Variants in SAMD8 observed in about 807,000 individuals in gnomAD.
The protein encoded by SAMD8 is sterile alpha motif domain containing 8, also known as sphingomyelin synthase-related protein 1.
In SAMD8, 20 loss-of-function variants were observed where a neutral mutation model predicts 42.0. That is an observed-to-expected ratio of 0.48 (90% CI 0.34 to 0.69). The LOEUF (loss-of-function observed/expected upper bound fraction) is 0.69, where lower values mean the gene tolerates loss of function less well. SAMD8 is among the 30% of genes least tolerant of loss of function. The pLI, the probability that SAMD8 is intolerant of heterozygous loss-of-function variation, is 0.01. For missense variants in SAMD8, 328 were observed against 511.6 expected (o/e 0.64, Z 3.46); for synonymous variants, 162 against 173.0 (o/e 0.94, Z 0.50).
At chr10:75,139,717 T>G (rs187283757) in intron 1 of SAMD8, among the ~76,000 whole-genome samples, 1 of 152,348 alleles carries the variant, frequency 6.6e-6, no homozygotes, top group Non-Finnish European at 1.5e-5. Flanking sequence ...TTTGGCTTTT[T>G]ATTATAGAGA....
intron 4 of SAMD8, among the ~76,000 whole-genome samples, chr10:75,171,315 C>T (rs1036258352): frequency 6.6e-5 from 10 of 151,258 alleles, no homozygotes; most frequent in African/African-American, 1.9e-4. Context: ...TACAGGCGCC[C>T]GCCACCATGC....
intron 1 of SAMD8, among the ~76,000 whole-genome samples, chr10:75,126,174 A>G (rs987771901): frequency 2.6e-5 from 4 of 151,778 alleles, no homozygotes; most frequent in African/African-American, 9.7e-5. Context: ...TAATTTTACT[A>G]CTCCTTTAAC....
intron 3 of SAMD8, among the ~76,000 whole-genome samples, chr10:75,166,396 T>A (rs1421890960): frequency 7.1e-6 from 1 of 140,566 alleles, no homozygotes; most frequent in African/African-American, 2.9e-5. Context: ...TTGAGATTGC[T>A]TAAAAAAAAA....
At chr10:75,152,925 T>G (rs1840325224) in intron 2 of SAMD8, among the ~76,000 whole-genome samples, 1 of 152,154 alleles carries the variant, frequency 6.6e-6, no homozygotes, top group Middle Eastern at 3.2e-3. Flanking sequence ...GTTTTCACAT[T>G]TTTGATTTTT....
upstream of SAMD8, chr10:75,108,160 C>T (rs762178157): frequency 8.1e-6 from 13 of 1,612,606 alleles, no homozygotes; most frequent in South Asian, 7.7e-5. Context: ...GCGTTCAGCA[C>T]GTGGGTGATG....
intron 1 of SAMD8, 129 bp from the exon 2 acceptor site, chr10:75,150,385 G>A: frequency 7.0e-7 from 1 of 1,431,448 alleles, no homozygotes; most frequent in Middle Eastern, 2.1e-4. Context: ...GCCTCCCAAA[G>A]TGCTGGGGAT....
Position 75,178,542 on chromosome 10 carries a change from G to A in SAMD8, c.*1850G>A, listed in dbSNP as rs1841028048. On this transcript the variant is annotated 3_prime_UTR_variant, in exon 6 of 6. Coordinates refer to ENST00000542569, the MANE Select transcript of SAMD8 (RefSeq NM_001174156.2). ...CAGTGATGTTGGCTTTTGGGAAAGG[G>A]TTCAAAAAACTGTATGGCAACATTA... 6.6e-6 allele frequency: 1 copy of A among 152,186 alleles called. No individual in the cohort carries two copies. The highest frequency in any genetic ancestry group is 1.5e-5 in the Non-Finnish European group (1 of 68,052). The allele number at this position is 152,186 out of a possible 1,614,324, so 9.4% of individuals were successfully genotyped here.
intron 2 of SAMD8, among the ~76,000 whole-genome samples, chr10:75,154,000 A>G (rs997640725): frequency 1.3e-5 from 2 of 152,190 alleles, no homozygotes; most frequent in African/African-American, 2.4e-5. Flanking sequence ...CTCCTGACTC[A>G]AATGATCCAC....
chr10:75,152,536 GA>G (rs541773032), intron 2 of SAMD8, among the ~76,000 whole-genome samples: 10,731 of 130,112 alleles, frequency 0.082, 533 homozygotes, highest in African/African-American at 0.14. Context: ...AAAAAAAAAA[GA>G]AAAAAAAAAA....
At chr10:75,175,004 G>A (rs1245973431) in intron 4 of SAMD8, among the ~76,000 whole-genome samples, 1 of 152,078 alleles carries the variant, frequency 6.6e-6, no homozygotes, top group African/African-American at 2.4e-5. Flanking sequence ...CTGTCTTTCT[G>A]GTCTGCTATC....
intron 1 of SAMD8, among the ~76,000 whole-genome samples, chr10:75,135,597 G>A (rs937998463): frequency 6.6e-6 from 1 of 151,996 alleles, no homozygotes; most frequent in African/African-American, 2.4e-5. Flanking sequence ...AGGCCGAGGC[G>A]GGTGGATCAC....
Position 75,150,820 on chromosome 10 carries a change from A to T in SAMD8, c.292A>T (p.Thr98Ser). 1 of 1,614,158 alleles carries T rather than the reference A, an allele frequency of 6.2e-7. No homozygotes were observed. Among genetic ancestry groups the T allele is most frequent in the Non-Finnish European group, 8.5e-7 (1 of 1,180,024 alleles). The change falls in exon 2 of 6, where the codon ACC becomes TCC. Residue 98 changes from threonine (T) to serine (S), a missense_variant. Thr to Ser is a moderately conservative substitution (Grantham distance 58). Transcript: ENST00000542569. ...YNSDSPMGSM[T>S]PFISALQSTD... The stretch of plus-strand genomic sequence containing the variant: ...CAGTGACAGTCCCATGGGTTCCATG[A>T]CCCCTTTCATCAGTGCTCTTCAGAG...
At chr10:75,127,181 CTG>C (rs930843860) in intron 1 of SAMD8, among the ~76,000 whole-genome samples, 6 of 111,238 alleles carry the variant, frequency 5.4e-5, no homozygotes, top group African/African-American at 2.1e-4. Flanking sequence ...GAGCGAGACT[CTG>C]TCTCAAAAAA....
chr10:75,173,167 C>T (rs150949334), intron 4 of SAMD8, among the ~76,000 whole-genome samples: 40 of 152,206 alleles, frequency 2.6e-4, no homozygotes, highest in African/African-American at 9.4e-4. Flanking sequence ...ATTTCTACTC[C>T]AATCTGACCT....
intron 1 of SAMD8, among the ~76,000 whole-genome samples, chr10:75,117,851 C>G (rs1349238677): frequency 6.6e-6 from 1 of 152,178 alleles, no homozygotes; most frequent in African/African-American, 2.4e-5. Flanking sequence ...AGGTCAGGAA[C>G]CCTTTACCAA....
At chr10:75,099,627 G>T in exon 1 of SAMD8, 1 of 1,065,944 alleles carries the variant, frequency 9.4e-7, no homozygotes, top group Non-Finnish European at 1.2e-6. Context: ...GGGCCCTCCG[G>T]TCCCTCTAAA....
intron 1 of SAMD8, among the ~76,000 whole-genome samples, chr10:75,148,346 CTTTTTTTTTTTTTTT>C (rs60024591): frequency 1.2e-5 from 1 of 82,564 alleles, no homozygotes; most frequent in Non-Finnish European, 2.0e-5. Context: ...GCAATACCAG[CTTTTTTTTTTTTTTT>C]TTTTTTTTTT....
chr10:75,108,421 C>T (rs1485306715), upstream of SAMD8: 5 of 829,102 alleles, frequency 6.0e-6, no homozygotes, highest in Non-Finnish European at 8.9e-6. Flanking sequence ...GTCGGGGGAT[C>T]TTTAGACCCT....
intron 1 of SAMD8, among the ~76,000 whole-genome samples, chr10:75,104,787 T>G (rs1239740958): frequency 6.6e-6 from 1 of 152,070 alleles, no homozygotes; most frequent in South Asian, 2.1e-4. Context: ...CTCCTCAAGA[T>G]GCTTATCCTC....
Sources: allele counts gnomAD v4.1 joint callset (sites outside exome capture counted in the v4.1 genomes callset), GRCh38; gene constraint gnomAD v4.1.1; transcripts MANE v1.5; gene names NCBI Gene and HGNC (gene_info 2026-07-23, HGNC 2026-07-21).